NAALADL2: variants seen among roughly 807,000 people sequenced by gnomAD.
NAALADL2 encodes N-acetylated alpha-linked acidic dipeptidase like 2, also known as inactive N-acetylated-alpha-linked acidic dipeptidase-like protein 2.
Under a neutral mutation model 87.2 loss-of-function variants are expected in NAALADL2, and 76 were observed. The ratio of observed to expected loss-of-function variants is 0.87; its 90% CI spans 0.72 to 1.05. NAALADL2 has a LOEUF of 1.05. Among genes scored for constraint, NAALADL2 ranks in the 50% least tolerant of loss-of-function variants. The pLI is 0.00. For missense variants in NAALADL2, 1,089 were observed against 945.8 expected (o/e 1.15, Z -1.99); for synonymous variants, 354 against 331.0 (o/e 1.07, Z -0.75).
At chr3:175,063,836 C>T (rs187955804) in intron 1 of NAALADL2, among the ~76,000 whole-genome samples, 19 of 152,122 alleles carry the variant, frequency 1.2e-4, no homozygotes, top group East Asian at 9.7e-4. Flanking sequence ...TTTAAAATAA[C>T]GCTTAAAAAT....
chr3:174,698,081 C>T (rs974745640), intron 2 of NAALADL2, among the ~76,000 whole-genome samples: 6 of 151,992 alleles, frequency 3.9e-5, no homozygotes, highest in Non-Finnish European at 8.8e-5. Context: ...CAGAGCAAGA[C>T]TCCGTCTCAA....
chr3:175,799,091 A>G (rs1234251006), intron 13 of NAALADL2, among the ~76,000 whole-genome samples: 1 of 152,098 alleles, frequency 6.6e-6, no homozygotes, highest in Non-Finnish European at 1.5e-5. Context: ...ATACTAAACA[A>G]TTTGTCCTCA....
intron 2 of NAALADL2, among the ~76,000 whole-genome samples, chr3:174,731,242 C>T (rs1732677334): frequency 6.6e-6 from 1 of 152,060 alleles, no homozygotes; most frequent in South Asian, 2.1e-4. Flanking sequence ...AAGCATTGTG[C>T]AAAGGTTTGT....
intron 2 of NAALADL2, among the ~76,000 whole-genome samples, chr3:175,213,835 T>C (rs1192724471): frequency 6.6e-6 from 1 of 152,136 alleles, no homozygotes; most frequent in East Asian, 1.9e-4. Context: ...TGAACACGAT[T>C]TGTCTCCAGA....
At chr3:174,797,305 C>CT (rs1160338109) in intron 3 of NAALADL2, among the ~76,000 whole-genome samples, 1,140 of 72,720 alleles carry the variant, frequency 0.016, 36 homozygotes, top group Middle Eastern at 0.029. Context: ...TTTCTTTTTT[C>CT]TTTTTTTTTT....
intron 2 of NAALADL2, among the ~76,000 whole-genome samples, chr3:174,672,512 A>C (rs1726656804): frequency 6.6e-6 from 1 of 152,054 alleles, no homozygotes; most frequent in Non-Finnish European, 1.5e-5. Flanking sequence ...TAAGTAAATA[A>C]ATTAATGTAG....
chr3:174,664,330 A>G (rs1244109336), intron 2 of NAALADL2, among the ~76,000 whole-genome samples: 1 of 152,244 alleles, frequency 6.6e-6, no homozygotes, highest in Non-Finnish European at 1.5e-5. Context: ...GCGATCGGAC[A>G]TATTGCATGA....
At chr3:174,784,425 A>T (rs777674525) in intron 3 of NAALADL2, among the ~76,000 whole-genome samples, 9 of 152,314 alleles carry the variant, frequency 5.9e-5, no homozygotes, top group African/African-American at 2.2e-4. Context: ...TTCATGAGTC[A>T]TAATATATAT....
At chr3:175,095,341 A>G (rs1299924482) in intron 1 of NAALADL2, among the ~76,000 whole-genome samples, 1 of 151,884 alleles carries the variant, frequency 6.6e-6, no homozygotes, top group East Asian at 1.9e-4. Context: ...TTGTTTGTCC[A>G]TTGTCTCTCT....
At chr3:175,155,837 G>A (rs1404279009) in intron 2 of NAALADL2, among the ~76,000 whole-genome samples, 1 of 152,164 alleles carries the variant, frequency 6.6e-6, no homozygotes, top group East Asian at 1.9e-4. Context: ...CAAGCATTGT[G>A]ATGTTTTTTA....
At chr3:175,615,743 G>A (rs1457788653) in intron 10 of NAALADL2, among the ~76,000 whole-genome samples, 1 of 151,638 alleles carries the variant, frequency 6.6e-6, no homozygotes, top group Non-Finnish European at 1.5e-5. Flanking sequence ...TGTAGTCCCA[G>A]CTACTTGGGA....
intron 3 of NAALADL2, among the ~76,000 whole-genome samples, chr3:174,772,003 C>T (rs1004881631): frequency 9.4e-6 from 1 of 106,078 alleles, no homozygotes; most frequent in South Asian, 2.7e-4. Context: ...AAATCAGACA[C>T]ATTTTTTTTG....
At chr3:175,258,340 A>G (rs866417816) in intron 4 of NAALADL2, among the ~76,000 whole-genome samples, 19 of 150,178 alleles carry the variant, frequency 1.3e-4, no homozygotes, top group Admixed American at 3.3e-4. Flanking sequence ...AAAAAAAAAA[A>G]AAAGAAAGAA....
chr3:174,753,798 A>C (rs77600666), intron 3 of NAALADL2, among the ~76,000 whole-genome samples: 58 of 152,246 alleles, frequency 3.8e-4, no homozygotes, highest in Non-Finnish European at 7.6e-4. Flanking sequence ...CCTAACCCCC[A>C]GTGTGATTGC....
chr3:174,918,638 G>A (rs375541168), intron 1 of NAALADL2, among the ~76,000 whole-genome samples: 104 of 152,234 alleles, frequency 6.8e-4, no homozygotes, highest in African/African-American at 2.5e-3. Context: ...GGTTACCTCA[G>A]GGTTGCTCCC....
intron 1 of NAALADL2, among the ~76,000 whole-genome samples, chr3:175,073,445 T>C (rs1006113218): frequency 1.3e-5 from 2 of 152,076 alleles, no homozygotes; most frequent in Non-Finnish European, 2.9e-5. Context: ...AGTAGTCATG[T>C]AGACAGTGTA....
intron 6 of NAALADL2, among the ~76,000 whole-genome samples, chr3:175,462,428 A>G (rs1723284683): frequency 6.6e-6 from 1 of 152,080 alleles, no homozygotes; most frequent in Admixed American, 6.6e-5. Context: ...TTTCCATTTA[A>G]TTTGTTTGAA....
intron 1 of NAALADL2, among the ~76,000 whole-genome samples, chr3:175,091,688 C>T (rs980722255): frequency 1.3e-5 from 2 of 151,990 alleles, no homozygotes; most frequent in Non-Finnish European, 2.9e-5. Flanking sequence ...TACACATCAC[C>T]AATTCCTGGA....
intron 5 of NAALADL2, chr3:175,397,325 T>C (rs1769932878): frequency 6.6e-6 from 1 of 152,158 alleles, no homozygotes; most frequent in Non-Finnish European, 1.5e-5. Context: ...CCAATTATAG[T>C]ACATGTGCTA....
Sources: allele counts gnomAD v4.1 joint callset (sites outside exome capture counted in the v4.1 genomes callset), GRCh38; gene constraint gnomAD v4.1.1; transcripts MANE v1.5; gene names NCBI Gene and HGNC (gene_info 2026-07-23, HGNC 2026-07-21).